Variants in PPM1L observed in about 807,000 individuals in gnomAD.
PPM1L encodes the protein protein phosphatase, Mg2+/Mn2+ dependent 1L.
PPM1L carries 13 observed loss-of-function variants against 31.4 expected under a neutral mutation model. The ratio of observed to expected loss-of-function variants is 0.41; its 90% confidence interval spans 0.27 to 0.66. PPM1L has a LOEUF of 0.66. PPM1L is among the 30% of genes least tolerant of loss of function. The probability of loss-of-function intolerance (pLI) is 0.29; values close to 1 mark genes in which losing one functional copy is unlikely to be tolerated. For synonymous variants in PPM1L, 184 were observed against 175.4 expected, an observed-to-expected ratio of 1.05 and a Z score of -0.39; for missense variants, 326 against 453.7, an observed-to-expected ratio of 0.72 and a Z score of 2.56.
At chr3:160,837,742 G>A (rs1176799964) in intron 1 of PPM1L, among the ~76,000 whole-genome samples, 1 of 152,260 alleles carries the variant, frequency 6.6e-6, no homozygotes, top group East Asian at 1.9e-4. Context: ...ACAGACAAAA[G>A]GAAACAGGAA....
At chr3:161,008,338 C>T (rs1199985247) in intron 2 of PPM1L, among the ~76,000 whole-genome samples, 3 of 152,164 alleles carry the variant, frequency 2.0e-5, no homozygotes, top group Non-Finnish European at 4.4e-5. Flanking sequence ...CAGGGTTTCC[C>T]CATTCAATCT....
intron 2 of PPM1L, among the ~76,000 whole-genome samples, chr3:161,060,455 G>A (rs1356748152): frequency 3.3e-5 from 5 of 152,140 alleles, no homozygotes; most frequent in Non-Finnish European, 7.4e-5. Flanking sequence ...AATAGCCCGG[G>A]GGCTAAAATG....
chr3:160,849,855 G>A (rs577954057), intron 1 of PPM1L, among the ~76,000 whole-genome samples: 1 of 152,288 alleles, frequency 6.6e-6, no homozygotes, highest in Non-Finnish European at 1.5e-5. Flanking sequence ...GGAATCCGGG[G>A]ATGATTAGGA....
intron 1 of PPM1L, among the ~76,000 whole-genome samples, chr3:160,853,609 A>G (rs1428520481): frequency 6.6e-6 from 1 of 152,168 alleles, no homozygotes; most frequent in Non-Finnish European, 1.5e-5. Context: ...TGTCATATTT[A>G]TGATCATTTG....
chr3:160,887,316 C>A (rs1361823161), intron 1 of PPM1L, among the ~76,000 whole-genome samples: 1 of 151,884 alleles, frequency 6.6e-6, no homozygotes, highest in African/African-American at 2.4e-5. Context: ...ACTTCCCCAA[C>A]TGAGCAAGAC....
chr3:160,800,447 G>A (rs991938478), intron 1 of PPM1L, among the ~76,000 whole-genome samples: 1 of 152,000 alleles, frequency 6.6e-6, no homozygotes, highest in Admixed American at 6.6e-5. Context: ...TTTTAATGGA[G>A]AAATTGAAAA....
In PPM1L at chr3:160,764,760, G is replaced by A. The variant is rs371279853; in HGVS notation, c.399+8053G>A. ...TGGGATTACAGGCATGTGCCACCAC[G>A]CCTGGCCTATTTTAATTCTTTATAT... On this transcript the variant is annotated intron_variant, in intron 1 of 3. Coordinates refer to ENST00000498165, the MANE Select transcript of PPM1L (RefSeq NM_139245.4). Among the ~76,000 whole-genome samples, 7 of 152,148 alleles carry A rather than the reference G, an allele frequency of 4.6e-5. No individual in the cohort carries two copies. The South Asian group carries it at 1.5e-3, about 32-fold the overall frequency.
intron 1 of PPM1L, among the ~76,000 whole-genome samples, chr3:160,883,274 A>G (rs568236318): frequency 3.3e-5 from 5 of 152,308 alleles, no homozygotes; most frequent in East Asian, 1.9e-4. Context: ...TGACAGTGCT[A>G]TATGGAATTA....
chr3:160,858,708 A>G (rs960698599), intron 1 of PPM1L, among the ~76,000 whole-genome samples: 6 of 152,198 alleles, frequency 3.9e-5, no homozygotes, highest in Admixed American at 3.9e-4. Flanking sequence ...AGCACAGGTA[A>G]ATAAAATTCA....
intron 1 of PPM1L, among the ~76,000 whole-genome samples, chr3:160,834,471 ATGTGTGTGTGTG>A (rs150328470): frequency 0.24 from 33,910 of 138,872 alleles, 4,120 homozygotes; most frequent in East Asian, 0.53. Context: ...GTGTATGTGT[ATGTGTGTGTGTG>A]TGTGTGTGTG....
rs917712211 is a variant in PPM1L at position 160,897,188 on chromosome 3, G to A, written c.400-64548G>A. 4.6e-5 allele frequency among the ~76,000 whole-genome samples: 7 copies of A among 151,762 alleles called. No homozygotes were observed. The South Asian group carries it at 1.2e-3, about 27-fold the overall frequency. On this transcript the variant is annotated intron_variant, in intron 1 of 3. Transcript: ENST00000498165. ...CTCCCGAGCAGCCAGGATTACAGGCGCCTGCCACCACACCCAGCTAATATT... is the reference window on the plus strand; with the variant it reads ...CTCCCGAGCAGCCAGGATTACAGGCACCTGCCACCACACCCAGCTAATATT...
intron 1 of PPM1L, among the ~76,000 whole-genome samples, chr3:160,846,854 G>C (rs549920970): frequency 1.3e-5 from 2 of 152,016 alleles, no homozygotes; most frequent in African/African-American, 4.8e-5. Flanking sequence ...TTTGTTAATT[G>C]CTTATTATTT....
intron 2 of PPM1L, among the ~76,000 whole-genome samples, chr3:161,029,081 A>G (rs1718488499): frequency 6.6e-6 from 1 of 152,224 alleles, no homozygotes. Context: ...ATACAAACAA[A>G]CAAACAAACG....
chr3:160,879,963 C>T (rs550118413), intron 1 of PPM1L, among the ~76,000 whole-genome samples: 2 of 152,284 alleles, frequency 1.3e-5, no homozygotes, highest in Non-Finnish European at 2.9e-5. Context: ...TCACCTGCTG[C>T]AGTTACCCAT....
intron 1 of PPM1L, among the ~76,000 whole-genome samples, chr3:160,869,611 G>A (rs540136620): frequency 1.3e-5 from 2 of 151,998 alleles, no homozygotes; most frequent in African/African-American, 2.4e-5. Flanking sequence ...TCCAAAAATT[G>A]TATGACATAT....
At chr3:160,814,991 G>T (rs1465471058) in intron 1 of PPM1L, among the ~76,000 whole-genome samples, 1 of 152,004 alleles carries the variant, frequency 6.6e-6, no homozygotes, top group African/African-American at 2.4e-5. Flanking sequence ...ATGGACTTTC[G>T]GGATTCAGGG....
At chr3:160,920,129 C>T (rs1322604819) in intron 1 of PPM1L, among the ~76,000 whole-genome samples, 1 of 152,124 alleles carries the variant, frequency 6.6e-6, no homozygotes, top group Non-Finnish European at 1.5e-5. Context: ...GTGGGGAGCT[C>T]TCAAAAGTGT....
At position 160,944,802 on chromosome 3, in the gene PPM1L, C is replaced by CATATATGTTATATATGTT. The variant is rs1553748137; in HGVS notation, c.400-16928_400-16927insGTTATATATGTTATATAT. ...ATTATATTATATATGTTATATATAA[C>CATATATGTTATATATGTT]ATATATAACATATATATGTTATATA... is the stretch of plus-strand genomic sequence containing the variant. On this transcript the variant is annotated intron_variant, in intron 1 of 3. Transcript: ENST00000498165. Among the ~76,000 whole-genome samples, 19 of 14,336 alleles carry CATATATGTTATATATGTT rather than the reference C, an allele frequency of 1.3e-3. 2 individuals carry two copies. The highest frequency in any genetic ancestry group is 2.9e-3 in the African/African-American group (19 of 6,634). The allele number at this position is 14,336 out of a possible 152,430, so 9.4% of individuals were successfully genotyped here. A position where few individuals can be genotyped will look rare whatever the true frequency, so the allele number is the denominator to read the frequency against.
At chr3:160,804,022 A>T (rs1042901000) in intron 1 of PPM1L, among the ~76,000 whole-genome samples, 1 of 151,860 alleles carries the variant, frequency 6.6e-6, no homozygotes, top group African/African-American at 2.4e-5. Flanking sequence ...GATTCACACC[A>T]TTCTCCTGCC....
Sources: gnomAD v4.1 joint callset for allele counts (sites outside exome capture counted in the v4.1 genomes callset) on GRCh38, gnomAD v4.1.1 for gene constraint, MANE v1.5 for transcripts, NCBI Gene and HGNC (gene_info 2026-07-23, HGNC 2026-07-21) for gene names.